SLC29A1: variants seen among roughly 807,000 people sequenced by gnomAD.
The protein encoded by SLC29A1 is solute carrier family 29 member 1 (Augustine blood group).
SLC29A1 carries 22 observed loss-of-function variants against 48.3 expected under a neutral mutation model. The ratio of observed to expected loss-of-function variants is 0.46; its 90% CI spans 0.33 to 0.65. The LOEUF (loss-of-function observed/expected upper bound fraction) is 0.65, where lower values mean the gene tolerates loss of function less well. SLC29A1 is among the 30% of genes least tolerant of loss of function. The pLI is 0.03. For synonymous variants in SLC29A1, 228 were observed against 231.0 expected (o/e 0.99, Z 0.12); for missense variants, 491 against 575.3 (o/e 0.85, Z 1.50).
At chr6:44,222,334 G>A (rs1366378278), upstream of SLC29A1, among the ~76,000 whole-genome samples, 1 of 152,076 alleles carries the variant, frequency 6.6e-6, no homozygotes, top group Non-Finnish European at 1.5e-5. Flanking sequence ...CAGAAGGCTG[G>A]GGACACCCAT....
At chr6:44,230,711 G>GGGT in intron 7 of SLC29A1, 46 bp downstream of exon 7, 2 of 1,025,494 alleles carry the variant, frequency 2.0e-6, no homozygotes, top group Non-Finnish European at 1.5e-6. Context: ...GGGGTCTGGG[G>GGGT]TTCCAGACCA....
intron 2 of SLC29A1, among the ~76,000 whole-genome samples, chr6:44,228,688 G>A (rs1350036696): frequency 2.6e-5 from 4 of 152,264 alleles, no homozygotes; most frequent in Non-Finnish European, 4.4e-5. Flanking sequence ...GACCCGGAAG[G>A]GCCTTGAGGT....
upstream of SLC29A1, chr6:44,221,630 C>A (rs1034798720): frequency 7.8e-6 from 10 of 1,289,784 alleles, no homozygotes; most frequent in African/African-American, 1.4e-4. This position sits in a 1 kb window ranked among gnomAD's most constrained non-coding sequence, Gnocchi z 4.2. Context: ...GAAGACCAGG[C>A]AGAGACTGAA....
intron 1 of SLC29A1, chr6:44,224,060 AGGTGCGGG>A (rs1451531301): frequency 4.5e-5 from 19 of 426,176 alleles, no homozygotes; most frequent in Admixed American, 1.3e-4. Flanking sequence ...TCGCGAGCGG[AGGTGCGGG>A]GCTGTCTCTT....
intron 1 of SLC29A1, chr6:44,226,657 G>A: frequency 1.2e-6 from 1 of 800,090 alleles, no homozygotes; most frequent in Non-Finnish European, 1.5e-6. Context: ...GGAGAGGACA[G>A]CCCCACTCTA....
At chr6:44,219,802 G>C (rs953352602), upstream of SLC29A1, 4 of 1,231,968 alleles carry the variant, frequency 3.2e-6, no homozygotes, top group African/African-American at 4.7e-5. Flanking sequence ...GCGGGGCCGG[G>C]GGGCCTGGCG....
At position 44,227,299 on chromosome 6, in the gene SLC29A1, G is replaced by T; in HGVS notation, c.-15G>T. The T allele has an allele frequency of 1.2e-6, 2 of 1,614,114 alleles. No individual in the cohort carries two copies. Among genetic ancestry groups the T allele is most frequent in the Non-Finnish European group, 1.7e-6 (2 of 1,180,002 alleles). ...AGGGAGCTGTCAGCCAGGGAAAACC[G>T]AGAACACCATCACCATGACAACCAG... On this transcript the variant is annotated 5_prime_UTR_variant, in exon 2 of 13. Transcript: ENST00000371755.
chr6:44,230,583 C>T lies in SLC29A1; in HGVS notation c.605C>T (p.Ser202Leu). 2 of 1,613,976 alleles carry T rather than the reference C, an allele frequency of 1.2e-6. No homozygotes were observed. Among genetic ancestry groups the T allele is most frequent in the Non-Finnish European group, 1.7e-6 (2 of 1,180,000 alleles). Residue 202 changes from serine (S) to leucine (L), a missense_variant, in exon 7 of 13, where the codon TCA (serine) becomes TTA (leucine). Physicochemically the swap from Ser to Leu is moderately radical, Grantham distance 145 (BLOSUM62 -2). Transcript: ENST00000371755. ...ACCACCCCAGGTGGCTCGGAGCTAT[C>T]AGAAAGTGCCTTCGGCTACTTTATC... ...ICAIASGSEL[S>L]ESAFGYFITA...
rs1235597725 is a variant in SLC29A1, at chr6:44,232,276, G to A, written c.974-67G>A. 4 of 1,253,642 alleles carry A rather than the reference G, an allele frequency of 3.2e-6. No homozygotes were observed. Among genetic ancestry groups the A allele is most frequent in the Non-Finnish European group, 4.7e-6 (4 of 851,584 alleles). The allele number at this position is 1,253,642 out of a possible 1,614,324, so 77.7% of individuals were successfully genotyped here. ...TTACTGTTGGGGAAGCTGAGGCCCA[G>A]TGAAGGTTAGGCTTGCTATACCTGC... is the stretch of plus-strand genomic sequence containing the variant. On this transcript the variant is annotated intron_variant, in intron 10 of 12. Transcript: ENST00000371755. The surrounding 1 kb of genome is among the most constrained non-coding windows in gnomAD (Gnocchi z 4.7).
chr6:44,228,423 G>T (rs1043886931), intron 2 of SLC29A1, among the ~76,000 whole-genome samples: 3 of 152,226 alleles, frequency 2.0e-5, no homozygotes, highest in Non-Finnish European at 4.4e-5. Flanking sequence ...GGTTGGGGGG[G>T]CTGCAGTTGC....
chr6:44,227,459 T>C (rs1777828886), intron 2 of SLC29A1, 117 bp downstream of exon 2: 2 of 887,810 alleles, frequency 2.3e-6, no homozygotes, highest in South Asian at 3.1e-5. Context: ...CAGGTAGCTA[T>C]GAGTCAGGTC....
chr6:44,230,305 C>T, intron 5 of SLC29A1, 42 bp from the exon 6 acceptor site: 1 of 1,591,350 alleles, frequency 6.3e-7, no homozygotes, highest in Non-Finnish European at 8.6e-7. Flanking sequence ...CCCCCAACCA[C>T]CAGCCCTAGC....
Position 44,229,663 on chromosome 6 carries a change from G to A in SLC29A1, c.186G>A (p.Ala62=), listed in dbSNP as rs201953037. 1.3e-4 allele frequency: 206 copies of A among 1,614,128 alleles called. 1 individual carries two copies. The highest frequency in any genetic ancestry group is 3.7e-4 in the South Asian group (34 of 91,090). ...VTAELSKDAQ[A]SAAPAAPLPE... ...CTGAACTGAGCAAGGACGCCCAGGC[G>A]TCAGCCGCCCCTGCAGCACCCTTGC... The change falls in exon 4 of 13, where the codon GCG becomes GCA. Residue 62 remains alanine (A), a synonymous_variant. Coordinates refer to ENST00000371755, the MANE Select transcript of SLC29A1 (RefSeq NM_001372327.1). This position sits in a 1 kb window ranked among gnomAD's most constrained non-coding sequence, Gnocchi z 5.1.
chr6:44,220,704 A>G (rs1776301792), upstream of SLC29A1, among the ~76,000 whole-genome samples: 1 of 151,386 alleles, frequency 6.6e-6, no homozygotes, highest in African/African-American at 2.4e-5. Flanking sequence ...ACGTGCCCGT[A>G]ATCCCAGCTA....
intron 8 of SLC29A1, 151 bp downstream of exon 8, chr6:44,231,040 A>G (rs1778743105): frequency 2.9e-6 from 2 of 687,028 alleles, no homozygotes; most frequent in African/African-American, 1.8e-5. Flanking sequence ...GGGGGACAAT[A>G]GGAAATAAGG....
Position 44,223,632 on chromosome 6 carries a change from T to A in SLC29A1, c.-61T>A. 1 of 1,209,414 alleles carries A rather than the reference T, an allele frequency of 8.3e-7. No individual in the cohort carries two copies. The allele number at this position is 1,209,414 out of a possible 1,614,324, so 74.9% of individuals were successfully genotyped here. A position where few individuals can be genotyped will look rare whatever the true frequency, so the allele number is the denominator to read the frequency against. On this transcript the variant is annotated 5_prime_UTR_variant, in exon 1 of 13. Coordinates refer to ENST00000371755, the MANE Select transcript of SLC29A1 (RefSeq NM_001372327.1). This position sits in a 1 kb window ranked among gnomAD's most constrained non-coding sequence, Gnocchi z 5.0. ...CGGATCTCAGCGCGGGAGCAGTGCT[T>A]CTGCGGCAGGTGCTGCCCGGGGCCG... is the stretch of plus-strand genomic sequence containing the variant.
Position 44,232,261 on chromosome 6 carries a change from G to A in SLC29A1, c.974-82G>A. 8.5e-7 allele frequency: 1 copy of A among 1,180,386 alleles called. No homozygotes were observed. The highest frequency in any genetic ancestry group is 1.2e-5 in the South Asian group (1 of 81,830). The allele number at this position is 1,180,386 out of a possible 1,614,324, so 73.1% of individuals were successfully genotyped here. The stretch of plus-strand genomic sequence containing the variant: ...AGCATCTTCTCCATTTTACTGTTGG[G>A]GAAGCTGAGGCCCAGTGAAGGTTAG... On this transcript the variant is annotated intron_variant, in intron 10 of 12. Transcript: ENST00000371755. The surrounding 1 kb of genome is among the most constrained non-coding windows in gnomAD (Gnocchi z 4.7).
chr6:44,219,764 C>T (rs775273174), upstream of SLC29A1: 11 of 1,288,496 alleles, frequency 8.5e-6, 1 homozygote, highest in Admixed American at 1.6e-4. Flanking sequence ...TCCGGATGCT[C>T]ACTCCAAAGT....
chr6:44,230,711 G>GGGGC, intron 7 of SLC29A1, 46 bp downstream of exon 7: 3 of 1,025,488 alleles, frequency 2.9e-6, no homozygotes, highest in Non-Finnish European at 4.5e-6. Flanking sequence ...GGGGTCTGGG[G>GGGGC]TTCCAGACCA....
Sources: gnomAD v4.1 joint callset for allele counts (sites outside exome capture counted in the v4.1 genomes callset) on GRCh38, gnomAD v4.1.1 for gene constraint, Gnocchi (gnomAD v3.1) non-coding constraint, MANE v1.5 for transcripts, NCBI Gene and HGNC (gene_info 2026-07-23, HGNC 2026-07-21) for gene names.